CFAP119: variants seen among roughly 807,000 people sequenced by gnomAD.
CFAP119 encodes cilia and flagella associated protein 119, also known as cilia- and flagella-associated protein 119.
At chr16:30,757,553 T>C in the CFAP119 span, 7 of 1,614,118 alleles carry the variant, frequency 4.3e-6, no homozygotes, top group Non-Finnish European at 5.9e-6. Flanking sequence ...CTGCTGAGCC[T>C]TTCCTCGCTG....
chr16:30,760,013 C>G, the CFAP119 span: 2 of 1,479,814 alleles, frequency 1.4e-6, no homozygotes, highest in Non-Finnish European at 1.8e-6. Context: ...GAAGCAAGAG[C>G]TATTAAACAT....
the CFAP119 span, chr16:30,758,838 C>G: frequency 2.6e-6 from 3 of 1,156,574 alleles, no homozygotes; most frequent in Non-Finnish European, 3.6e-6. Flanking sequence ...TGTGAGCCAC[C>G]ACGCCTGGCC....
chr16:30,760,197 C>T, the CFAP119 span: 3 of 1,608,768 alleles, frequency 1.9e-6, no homozygotes, highest in Middle Eastern at 1.7e-4. Context: ...AGGCAGAAAT[C>T]CCCTGCTTCT....
the CFAP119 span, chr16:30,758,824 C>T: frequency 3.1e-6 from 3 of 975,996 alleles, no homozygotes; most frequent in African/African-American, 3.3e-5. Context: ...GCTGGGATTA[C>T]AGGTGTGAGC....
the CFAP119 span, chr16:30,760,593 C>G: frequency 1.9e-6 from 3 of 1,560,100 alleles, no homozygotes; most frequent in Admixed American, 3.9e-5. Context: ...CCCACGCCCC[C>G]CTCAGTCCCT....
chr16:30,759,317 C>T, the CFAP119 span: 1 of 1,612,340 alleles, frequency 6.2e-7, no homozygotes, highest in Non-Finnish European at 8.5e-7. Context: ...TTGAGGGTGG[C>T]TCCTCATGGT....
the CFAP119 span, chr16:30,759,447 G>C: frequency 5.0e-6 from 8 of 1,614,230 alleles, no homozygotes; most frequent in South Asian, 6.6e-5. Context: ...GGTCGATGCT[G>C]AAAGGAGGCC....
chr16:30,761,999 C>A, the CFAP119 span: 1 of 537,828 alleles, frequency 1.9e-6, no homozygotes, highest in South Asian at 2.6e-5. Flanking sequence ...GCGAAGAGAA[C>A]GCGCAGATAC....
the CFAP119 span, chr16:30,759,844 G>A: frequency 6.8e-7 from 1 of 1,475,324 alleles, no homozygotes; most frequent in East Asian, 2.4e-5. Context: ...TTCAGCACTG[G>A]CTTGTTTCCT....
the CFAP119 span, chr16:30,758,885 C>T: frequency 1.2e-5 from 17 of 1,471,568 alleles, no homozygotes; most frequent in African/African-American, 8.4e-5. Context: ...TGGACTTCTG[C>T]ATAAGGGATC....
chr16:30,759,135 C>T, the CFAP119 span: 3 of 1,614,206 alleles, frequency 1.9e-6, no homozygotes, highest in East Asian at 4.5e-5. Context: ...ACTGTGGCCC[C>T]AGGCCTGGCC....
the CFAP119 span, chr16:30,762,009 C>G: frequency 9.5e-6 from 5 of 523,642 alleles, no homozygotes; most frequent in Non-Finnish European, 1.3e-5. Flanking sequence ...CGCGCAGATA[C>G]GTGAGAAGTT....
chr16:30,759,645 GGAACT>G, the CFAP119 span: 1 of 1,614,036 alleles, frequency 6.2e-7, no homozygotes, highest in Non-Finnish European at 8.5e-7. Flanking sequence ...ATGTTCCAGG[GGAACT>G]GACCCTGACT....
At chr16:30,759,381 G>T in the CFAP119 span, 2 of 1,614,238 alleles carry the variant, frequency 1.2e-6, no homozygotes, top group Non-Finnish European at 1.7e-6. Context: ...TGAAGTGGCG[G>T]AAGTAAGTGT....
chr16:30,759,515 C>T, the CFAP119 span: 26 of 1,614,158 alleles, frequency 1.6e-5, no homozygotes, highest in East Asian at 5.3e-4. Context: ...CTGGCTTTGC[C>T]TCCAAAAGCC....
At chr16:30,758,861 T>C in the CFAP119 span, 1 of 1,342,144 alleles carries the variant, frequency 7.5e-7, no homozygotes, top group Non-Finnish European at 1.0e-6. Flanking sequence ...CAGCTGTGCT[T>C]TTATCTGTCA....
chr16:30,759,148 G>C, the CFAP119 span: 1 of 1,614,168 alleles, frequency 6.2e-7, no homozygotes, highest in Non-Finnish European at 8.5e-7. Context: ...GCCTGGCCCA[G>C]CCCAGCCCTG....
At chr16:30,759,884 C>T in the CFAP119 span, 6 of 1,447,612 alleles carry the variant, frequency 4.1e-6, no homozygotes, top group South Asian at 8.9e-5. Context: ...TGAATACCCA[C>T]TATATGCCCA....
the CFAP119 span, chr16:30,761,821 C>A: frequency 1.4e-6 from 2 of 1,383,110 alleles, no homozygotes; most frequent in South Asian, 2.9e-5. Flanking sequence ...AGCGCTCGGT[C>A]GGCGGCTACC....
Sources: gnomAD v4.1 joint callset for allele counts on GRCh38, gnomAD v4.1.1 for gene constraint, MANE v1.5 for transcripts, NCBI Gene and HGNC (gene_info 2026-07-23, HGNC 2026-07-21) for gene names.